The following PCDH11X variants were observed in gnomAD, a reference collection of about 807,000 sequenced individuals.
PCDH11X encodes protocadherin-11 X-linked.
A neutral mutation model predicts 53.3 loss-of-function variants in PCDH11X; 18 were observed. The ratio of observed to expected loss-of-function variants is 0.34; its 90% CI spans 0.23 to 0.50. The LOEUF (loss-of-function observed/expected upper bound fraction) is 0.50. Ranked by LOEUF, PCDH11X falls within the 20% of genes least tolerant of loss-of-function variation. The probability of loss-of-function intolerance (pLI) is 0.98; values close to 1 mark genes in which losing one functional copy is unlikely to be tolerated. For synonymous variants in PCDH11X, 279 were observed against 393.3 expected, an observed-to-expected ratio of 0.71 and a Z score of 3.44; for missense variants, 570 against 1,032.4, an observed-to-expected ratio of 0.55 and a Z score of 6.14.
intron 6 of PCDH11X, among the ~76,000 whole-genome samples, chrX:91,936,495 TG>T (rs1275293717): frequency 1.8e-5 from 2 of 108,434 alleles, no homozygotes; most frequent in African/African-American, 6.6e-5. Flanking sequence ...ATTCTTGACT[TG>T]CTCCTCTCTG....
At chrX:92,142,596 A>C in intron 6 of PCDH11X, among the ~76,000 whole-genome samples, 1 of 111,151 alleles carries the variant, frequency 9.0e-6, no homozygotes, top group Non-Finnish European at 1.9e-5. Flanking sequence ...AGGTAACCAA[A>C]GTACAAATTG....
At chrX:92,516,560 T>A (rs1236867154) in intron 10 of PCDH11X, among the ~76,000 whole-genome samples, 1 of 111,850 alleles carries the variant, frequency 8.9e-6, no homozygotes, top group East Asian at 2.8e-4. Context: ...TAGTAAAAAA[T>A]CAAATCCCAA....
chrX:91,791,922 C>T (rs34791367), intron 1 of PCDH11X, among the ~76,000 whole-genome samples: 16 of 98,271 alleles, frequency 1.6e-4, no homozygotes, highest in African/African-American at 5.7e-4. Context: ...AGTGCAGTGG[C>T]GCAATCTCGG....
At chrX:92,404,684 A>T (rs1224337123) in intron 9 of PCDH11X, among the ~76,000 whole-genome samples, 5 of 106,239 alleles carry the variant, frequency 4.7e-5, no homozygotes, top group African/African-American at 1.7e-4. Flanking sequence ...TTAAGGAAAA[A>T]TTATATAGTA....
intron 8 of PCDH11X, among the ~76,000 whole-genome samples, chrX:92,315,013 A>G (rs959436319): frequency 9.0e-5 from 10 of 110,749 alleles, no homozygotes; most frequent in Admixed American, 2.9e-4. Flanking sequence ...TTTCCATTTC[A>G]TTTATTTCCC....
intron 6 of PCDH11X, among the ~76,000 whole-genome samples, chrX:92,032,493 C>A (rs1244929554): frequency 9.1e-6 from 1 of 110,322 alleles, no homozygotes; most frequent in Admixed American, 9.8e-5. Flanking sequence ...GTTTAATTGC[C>A]CTAGCTAGGA....
At chrX:91,867,456 A>G (rs1488996193) in intron 5 of PCDH11X, among the ~76,000 whole-genome samples, 1 of 109,157 alleles carries the variant, frequency 9.2e-6, no homozygotes, top group Non-Finnish European at 1.9e-5. Flanking sequence ...AGTCAGAGCT[A>G]ATGAAGAGTC....
At chrX:92,434,621 A>G (rs1337264728) in intron 9 of PCDH11X, among the ~76,000 whole-genome samples, 2 of 107,626 alleles carry the variant, frequency 1.9e-5, no homozygotes, top group Non-Finnish European at 3.8e-5. Flanking sequence ...AGCTCACAGT[A>G]CCCTCCAACT....
chrX:91,883,733 A>T (rs1384228435), intron 6 of PCDH11X: 1 of 559,727 alleles, frequency 1.8e-6, no homozygotes, highest in East Asian at 1.8e-4. Context: ...TGAACCCGGG[A>T]GGCGGAGCTT....
At chrX:92,265,128 C>G (rs190851174) in intron 8 of PCDH11X, among the ~76,000 whole-genome samples, 1 of 109,199 alleles carries the variant, frequency 9.2e-6, no homozygotes, top group Non-Finnish European at 1.9e-5. Context: ...TGCAATGGCA[C>G]GATGGATCAC....
At chrX:92,191,705 C>A (rs1045580587) in intron 6 of PCDH11X, among the ~76,000 whole-genome samples, 4 of 111,808 alleles carry the variant, frequency 3.6e-5, no homozygotes, top group African/African-American at 1.3e-4. Flanking sequence ...GTTCTTTTTG[C>A]GTTGAAAACT....
chrX:92,596,393 C>CA (rs1486006743), intron 10 of PCDH11X, among the ~76,000 whole-genome samples: 10 of 106,431 alleles, frequency 9.4e-5, no homozygotes, highest in Non-Finnish European at 1.9e-4. Flanking sequence ...ACAACCTTTG[C>CA]AAAAAATATA....
chrX:91,805,955 C>CT (rs1260722694), intron 1 of PCDH11X, among the ~76,000 whole-genome samples: 1 of 110,007 alleles, frequency 9.1e-6, no homozygotes, highest in African/African-American at 3.3e-5. Flanking sequence ...GTGCCTAGGA[C>CT]TTTTTTCTTA....
At chrX:92,452,281 C>T (rs1249124637) in intron 9 of PCDH11X, among the ~76,000 whole-genome samples, 1 of 100,981 alleles carries the variant, frequency 9.9e-6, no homozygotes, top group Non-Finnish European at 2.0e-5. Flanking sequence ...TTTCTGAGCT[C>T]ACTAACATCT....
chrX:92,343,499 A>T (rs191072826), intron 8 of PCDH11X, among the ~76,000 whole-genome samples: 9 of 110,140 alleles, frequency 8.2e-5, no homozygotes, highest in Admixed American at 7.8e-4. Context: ...AATTACCCAT[A>T]TTGGACATTA....
intron 9 of PCDH11X, among the ~76,000 whole-genome samples, chrX:92,409,690 A>C (rs1481629170): frequency 8.9e-6 from 1 of 112,286 alleles, no homozygotes; most frequent in Non-Finnish European, 1.9e-5. Flanking sequence ...ATTATATTGA[A>C]TCATGCTTTT....
At chrX:92,266,589 G>A in intron 8 of PCDH11X, among the ~76,000 whole-genome samples, 1 of 111,484 alleles carries the variant, frequency 9.0e-6, no homozygotes, top group African/African-American at 3.3e-5. Flanking sequence ...ATAAGCTAGT[G>A]GCATTCACAG....
chrX:91,802,738 A>G (rs755760606), intron 1 of PCDH11X, among the ~76,000 whole-genome samples: 1 of 112,028 alleles, frequency 8.9e-6, no homozygotes, highest in Admixed American at 9.5e-5. Flanking sequence ...TTGGTTAAAT[A>G]TCAGTAATTT....
chrX:92,595,376 G>A (rs1171421640), intron 10 of PCDH11X, among the ~76,000 whole-genome samples: 3 of 111,140 alleles, frequency 2.7e-5, no homozygotes, highest in Non-Finnish European at 5.7e-5. Flanking sequence ...CTTTAAAAAA[G>A]TTTAATCTGA....
Sources: gnomAD v4.1 joint callset for allele counts (sites outside exome capture counted in the v4.1 genomes callset) on GRCh38, gnomAD v4.1.1 for gene constraint, MANE v1.5 for transcripts, NCBI Gene and HGNC (gene_info 2026-07-23, HGNC 2026-07-21) for gene names.